Variants in TLK1 observed in about 807,000 individuals in gnomAD.
TLK1 encodes the protein tousled like kinase 1.
A neutral mutation model predicts 105.3 loss-of-function variants in TLK1; 24 were observed. That is an observed-to-expected ratio of 0.23 (90% CI 0.17 to 0.32). The LOEUF (loss-of-function observed/expected upper bound fraction) is 0.32, where lower values mean the gene tolerates loss of function less well. TLK1 is among the 10% of genes least tolerant of loss of function. The probability of loss-of-function intolerance (pLI) is 1.00; values close to 1 mark genes in which losing one functional copy is unlikely to be tolerated. For missense variants in TLK1, 558 were observed against 910.5 expected, an observed-to-expected ratio of 0.61 and a Z score of 4.98; for synonymous variants, 321 against 310.4, an observed-to-expected ratio of 1.03 and a Z score of -0.36.
chr2:171,102,373 G>C (rs1298631694), intron 2 of TLK1, among the ~76,000 whole-genome samples: 4 of 152,092 alleles, frequency 2.6e-5, no homozygotes, highest in African/African-American at 9.7e-5. Flanking sequence ...TTCAAACTGT[G>C]TGTAATGACT....
chr2:171,155,353 T>C (rs1692193056), intron 1 of TLK1, among the ~76,000 whole-genome samples: 1 of 152,304 alleles, frequency 6.6e-6, no homozygotes, highest in African/African-American at 2.4e-5. Flanking sequence ...TGTCTTAAGC[T>C]TATTATATTT....
At chr2:171,114,277 G>A (rs1690311719) in intron 2 of TLK1, among the ~76,000 whole-genome samples, 1 of 152,280 alleles carries the variant, frequency 6.6e-6, no homozygotes, top group South Asian at 2.1e-4. Context: ...CTAAACTCCA[G>A]AGCCTGTGAC....
intron 20 of TLK1, chr2:170,994,854 G>C (rs976635893): frequency 5.7e-6 from 2 of 349,028 alleles, no homozygotes; most frequent in South Asian, 2.4e-5. Context: ...ATCCTTTTTT[G>C]GGGGGGGAGG....
intron 3 of TLK1, among the ~76,000 whole-genome samples, chr2:171,074,826 A>G (rs192296776): frequency 1.8e-4 from 27 of 152,182 alleles, no homozygotes; most frequent in Admixed American, 1.0e-3. Context: ...GCAAGATAGA[A>G]TATGTCTTAA....
At chr2:171,084,526 A>AT (rs1688888082) in intron 2 of TLK1, among the ~76,000 whole-genome samples, 2 of 152,248 alleles carry the variant, frequency 1.3e-5, no homozygotes, top group South Asian at 4.1e-4. Flanking sequence ...AAACAGCAGT[A>AT]GAGAAAGCCC....
At position 170,992,428 on chromosome 2, in the gene TLK1, C is replaced by T. The variant is rs534965444; in HGVS notation, c.*1352G>A. On this transcript the variant is annotated 3_prime_UTR_variant, in exon 21 of 21. Transcript: ENST00000431350. ...TCCTTACAGGAGTGAAATACAGCATCCTGAAAAATATTGGTTTCTACCCTA... is the reference window on the plus strand; with the variant it reads ...TCCTTACAGGAGTGAAATACAGCATTCTGAAAAATATTGGTTTCTACCCTA... 15 of 152,626 alleles carry T rather than the reference C, an allele frequency of 9.8e-5. No individual in the cohort carries two copies. The highest frequency in any genetic ancestry group is 3.4e-3 in the Middle Eastern group (1 of 294). The allele number at this position is 152,626 out of a possible 1,614,324, so 9.5% of individuals were successfully genotyped here.
intron 3 of TLK1, among the ~76,000 whole-genome samples, chr2:171,076,735 TAAAAAAAAAAAAAA>T (rs35081277): frequency 1.6e-5 from 2 of 125,076 alleles, no homozygotes; most frequent in Non-Finnish European, 3.4e-5. Flanking sequence ...CCATCTCTAC[TAAAAAAAAAAAAAA>T]AAAAATACAA....
intron 2 of TLK1, among the ~76,000 whole-genome samples, chr2:171,096,114 A>C (rs1365598779): frequency 1.3e-5 from 2 of 152,266 alleles, no homozygotes; most frequent in Non-Finnish European, 2.9e-5. Context: ...ACATAATTGT[A>C]TATATGGATA....
chr2:171,071,500 G>C (rs1048589031), intron 3 of TLK1, among the ~76,000 whole-genome samples: 1 of 152,102 alleles, frequency 6.6e-6, no homozygotes, highest in Admixed American at 6.6e-5. Flanking sequence ...TGTTAGCCAA[G>C]ATGGTCTCCA....
intron 1 of TLK1, among the ~76,000 whole-genome samples, chr2:171,202,400 C>A (rs907096728): frequency 6.6e-6 from 1 of 150,910 alleles, no homozygotes; most frequent in African/African-American, 2.4e-5. Context: ...TGCGGTGAGC[C>A]GGGATCGCGC....
chr2:171,116,245 G>A (rs1690420142), intron 2 of TLK1, among the ~76,000 whole-genome samples: 1 of 152,178 alleles, frequency 6.6e-6, no homozygotes, highest in Admixed American at 6.5e-5. Flanking sequence ...CAAAGTGGGA[G>A]AAGTTACTTA....
chr2:171,189,746 C>T (rs1034839675), intron 1 of TLK1, among the ~76,000 whole-genome samples: 1 of 152,198 alleles, frequency 6.6e-6, no homozygotes, highest in Non-Finnish European at 1.5e-5. Flanking sequence ...CGCCTTCCAT[C>T]TTTCTGTGCC....
chr2:171,054,027 TAC>T (rs1687375897), intron 7 of TLK1, 174 bp from the exon 8 acceptor site: 3 of 448,176 alleles, frequency 6.7e-6, no homozygotes, highest in African/African-American at 6.1e-5. Flanking sequence ...GTATAAATGC[TAC>T]AGACTTACCA....
intron 3 of TLK1, among the ~76,000 whole-genome samples, chr2:171,076,699 A>G (rs958479139): frequency 4.0e-5 from 6 of 150,936 alleles, no homozygotes; most frequent in Non-Finnish European, 8.9e-5. Context: ...GGAGATCAAG[A>G]GCATCCTGAC....
chr2:171,188,088 GT>G (rs1171524344), intron 1 of TLK1, among the ~76,000 whole-genome samples: 3 of 152,172 alleles, frequency 2.0e-5, no homozygotes, highest in Non-Finnish European at 4.4e-5. Flanking sequence ...CATGAGCATG[GT>G]TCAAGGGTCA....
At chr2:171,201,230 C>G (rs1254275212) in intron 1 of TLK1, among the ~76,000 whole-genome samples, 1 of 152,146 alleles carries the variant, frequency 6.6e-6, no homozygotes, top group East Asian at 1.9e-4. Context: ...CTAAGTTCAT[C>G]ACAAAAGTTT....
chr2:171,218,231 G>A (rs1362641297), intron 1 of TLK1, among the ~76,000 whole-genome samples: 1 of 152,102 alleles, frequency 6.6e-6, no homozygotes, highest in Non-Finnish European at 1.5e-5. Context: ...CCAGCCTGGT[G>A]ACAGAGGGAG....
chr2:171,086,481 C>T (rs919784567), intron 2 of TLK1, among the ~76,000 whole-genome samples: 1 of 152,050 alleles, frequency 6.6e-6, no homozygotes, highest in African/African-American at 2.4e-5. Context: ...CAAAAAACAG[C>T]CAGGCGTCAT....
At chr2:171,191,619 T>G (rs1358817670) in intron 1 of TLK1, among the ~76,000 whole-genome samples, 4 of 152,140 alleles carry the variant, frequency 2.6e-5, no homozygotes, top group Admixed American at 2.6e-4. Context: ...GCATCTCACA[T>G]CAGCCAGGAG....
Sources: allele counts gnomAD v4.1 joint callset (sites outside exome capture counted in the v4.1 genomes callset), GRCh38; gene constraint gnomAD v4.1.1; transcripts MANE v1.5; gene names NCBI Gene and HGNC (gene_info 2026-07-23, HGNC 2026-07-21).